The following DCC variants were observed in gnomAD, a reference collection of about 807,000 sequenced individuals.
DCC encodes the protein netrin receptor DCC.
In DCC, 58 loss-of-function variants were observed where a neutral mutation model predicts 172.5. The ratio of observed to expected loss-of-function variants is 0.34; its 90% CI spans 0.27 to 0.42. The LOEUF (loss-of-function observed/expected upper bound fraction) is 0.42, where lower values mean the gene tolerates loss of function less well. DCC is among the 10% of genes least tolerant of loss of function. The probability of loss-of-function intolerance (pLI) is 1.00; values close to 1 mark genes in which losing one functional copy is unlikely to be tolerated. For missense variants in DCC, 1,740 were observed against 1,791.0 expected (o/e 0.97, Z 0.51); for synonymous variants, 709 against 644.5 (o/e 1.10, Z -1.52).
intron 2 of DCC, among the ~76,000 whole-genome samples, chr18:52,893,844 T>C (rs527315500): frequency 2.7e-3 from 407 of 152,194 alleles, no homozygotes; most frequent in African/African-American, 9.5e-3. Flanking sequence ...GAGTCATAGA[T>C]TCCCCCCTCA....
At chr18:52,996,129 T>C (rs896271502) in intron 5 of DCC, among the ~76,000 whole-genome samples, 1 of 152,100 alleles carries the variant, frequency 6.6e-6, no homozygotes, top group Non-Finnish European at 1.5e-5. Context: ...GCATGTTTAG[T>C]ACTGCATAGC....
At chr18:53,367,344 A>G (rs567394235) in intron 15 of DCC, among the ~76,000 whole-genome samples, 26 of 152,254 alleles carry the variant, frequency 1.7e-4, no homozygotes, top group African/African-American at 6.0e-4. Context: ...CAACAAAACA[A>G]TAAGAGTGCT....
At chr18:53,080,044 G>A (rs1174689961) in intron 7 of DCC, among the ~76,000 whole-genome samples, 1 of 152,088 alleles carries the variant, frequency 6.6e-6, no homozygotes, top group East Asian at 1.9e-4. Flanking sequence ...GAAGCTGTGT[G>A]AGTTGGCAGT....
intron 3 of DCC, among the ~76,000 whole-genome samples, chr18:52,920,795 G>A (rs542563491): frequency 2.0e-5 from 3 of 152,084 alleles, no homozygotes; most frequent in South Asian, 2.1e-4. Flanking sequence ...TTCAATAGAC[G>A]AATGGATAAA....
At chr18:53,305,862 C>T (rs1487981329) in intron 13 of DCC, 143 bp downstream of exon 13, 3 of 784,322 alleles carry the variant, frequency 3.8e-6, no homozygotes, top group Non-Finnish European at 4.4e-6. Flanking sequence ...CAAGAACAAC[C>T]TTTATATTTT....
intron 1 of DCC, among the ~76,000 whole-genome samples, chr18:52,568,233 A>G (rs1393515056): frequency 1.3e-5 from 2 of 152,190 alleles, no homozygotes; most frequent in African/African-American, 2.4e-5. Context: ...TAGAAAAATA[A>G]AAACATATGC....
At chr18:53,308,543 C>A (rs2057229437) in intron 13 of DCC, among the ~76,000 whole-genome samples, 1 of 152,258 alleles carries the variant, frequency 6.6e-6, no homozygotes, top group South Asian at 2.1e-4. Context: ...GCTTAGAAAG[C>A]AGTGGTCCAG....
intron 10 of DCC, among the ~76,000 whole-genome samples, chr18:53,206,588 A>G (rs1015778450): frequency 6.9e-6 from 1 of 145,638 alleles, no homozygotes; most frequent in Non-Finnish European, 1.5e-5. Flanking sequence ...CTATACATCT[A>G]TATGTATATA....
At chr18:53,260,823 G>A (rs2056588073) in intron 12 of DCC, among the ~76,000 whole-genome samples, 1 of 152,142 alleles carries the variant, frequency 6.6e-6, no homozygotes, top group Admixed American at 6.5e-5. Context: ...GAGGCAGGCA[G>A]GCCTCCTTGA....
At chr18:53,133,278 A>G (rs1313674769) in intron 7 of DCC, among the ~76,000 whole-genome samples, 3 of 152,198 alleles carry the variant, frequency 2.0e-5, no homozygotes, top group South Asian at 2.1e-4. Context: ...TGCTCCAGAT[A>G]TAAAACTGTC....
chr18:53,063,680 C>A (rs533192863), intron 6 of DCC: 4 of 500,906 alleles, frequency 8.0e-6, no homozygotes, highest in Non-Finnish European at 1.4e-5. Context: ...ACAGACAAGA[C>A]TTTAAAACAT....
chr18:53,016,384 C>T (rs2143900382), intron 5 of DCC, among the ~76,000 whole-genome samples: 2 of 152,144 alleles, frequency 1.3e-5, no homozygotes, highest in South Asian at 4.1e-4. Flanking sequence ...TGCCTTTGAA[C>T]ATAAGCATCA....
chr18:52,616,900 G>A lies in DCC; in HGVS notation c.92-135154G>A, dbSNP rs1382116920. The stretch of plus-strand genomic sequence containing the variant: ...CAGAATACTGGGCTTATTTTTGGAG[G>A]TAAGGACAATACTGCAGAATGAGAT... On this transcript the variant is annotated intron_variant, in intron 1 of 28. Coordinates refer to ENST00000442544, the MANE Select transcript of DCC (RefSeq NM_005215.4). Among the ~76,000 whole-genome samples, 3 of 152,096 alleles carry A rather than the reference G, an allele frequency of 2.0e-5. No individual in the cohort carries two copies. In the South Asian group the frequency reaches 6.2e-4, roughly 32 times the overall value.
intron 7 of DCC, among the ~76,000 whole-genome samples, chr18:53,115,554 C>T (rs569191190): frequency 1.6e-4 from 24 of 151,648 alleles, no homozygotes; most frequent in African/African-American, 4.6e-4. Flanking sequence ...TTGATTCCCC[C>T]ATCCCAGTGC....
chr18:52,938,258 G>A (rs905285473), intron 5 of DCC, among the ~76,000 whole-genome samples: 6 of 152,086 alleles, frequency 3.9e-5, no homozygotes, highest in Non-Finnish European at 8.8e-5. Context: ...TAATTCTAAA[G>A]ACAGACATTA....
intron 1 of DCC, among the ~76,000 whole-genome samples, chr18:52,417,491 C>T (rs1002019105): frequency 3.3e-5 from 5 of 152,106 alleles, no homozygotes; most frequent in African/African-American, 7.2e-5. Context: ...CCATTCTCCC[C>T]GTCACTTTCA....
intron 1 of DCC, among the ~76,000 whole-genome samples, chr18:52,705,048 G>A (rs1478868522): frequency 6.6e-6 from 1 of 152,068 alleles, no homozygotes; most frequent in East Asian, 1.9e-4. Context: ...TGCGTCTCTG[G>A]CATTATCTCT....
At chr18:52,692,680 C>T (rs1167971368) in intron 1 of DCC, among the ~76,000 whole-genome samples, 1 of 152,088 alleles carries the variant, frequency 6.6e-6, no homozygotes, top group Non-Finnish European at 1.5e-5. Context: ...GATCCTCCTG[C>T]CTTGGTCTCC....
chr18:52,348,700 G>C (rs1418590857), intron 1 of DCC, among the ~76,000 whole-genome samples: 1 of 152,094 alleles, frequency 6.6e-6, no homozygotes, highest in East Asian at 1.9e-4. Flanking sequence ...TTTGCTTTTA[G>C]GCATAGATGT....
Sources: allele counts gnomAD v4.1 joint callset (sites outside exome capture counted in the v4.1 genomes callset), GRCh38; gene constraint gnomAD v4.1.1; transcripts MANE v1.5; gene names NCBI Gene and HGNC (gene_info 2026-07-23, HGNC 2026-07-21).